Variants in SIDT1 observed in about 807,000 individuals in gnomAD.
The protein encoded by SIDT1 is SID1 transmembrane family member 1.
In SIDT1, 101 loss-of-function variants were observed where a neutral mutation model predicts 107.5. That is an observed-to-expected ratio of 0.94 (90% CI 0.80 to 1.11). SIDT1 has a LOEUF of 1.11. Among genes scored for constraint, SIDT1 ranks in the 50% least tolerant of loss-of-function variants. The pLI is 0.00. For synonymous variants in SIDT1, 395 were observed against 398.2 expected, an observed-to-expected ratio of 0.99 and a Z score of 0.10; for missense variants, 1,076 against 1,058.2, an observed-to-expected ratio of 1.02 and a Z score of -0.23.
intron 21 of SIDT1, among the ~76,000 whole-genome samples, chr3:113,621,745 A>AAC (rs1946476109): frequency 6.6e-6 from 1 of 152,214 alleles, no homozygotes; most frequent in Non-Finnish European, 1.5e-5. Flanking sequence ...TTTATTTGCT[A>AAC]GTTAGGCAAA....
intron 19 of SIDT1, chr3:113,612,479 C>T: frequency 2.0e-6 from 1 of 510,810 alleles, no homozygotes; most frequent in South Asian, 1.6e-5. Flanking sequence ...ACTTTACAGT[C>T]TGCCAAACTT....
In SIDT1 at chr3:113,623,610, TCTC is replaced by T. The variant is rs538391869; in HGVS notation, c.2197-8_2197-6del. On this transcript the variant is annotated splice_polypyrimidine_tract_variant and intron_variant, in intron 22 of 24. Transcript: ENST00000264852. Reference sequence around the variant, plus strand: ...GGGGTCGCGTGAGGCCGCATCTGCTTCTCCTCCCACAGCTCCGCAGCTCTGAAA... The same window carrying T: ...GGGGTCGCGTGAGGCCGCATCTGCTTCTCCCACAGCTCCGCAGCTCTGAAA... 2,131 of 1,610,726 alleles carry T rather than the reference TCTC, an allele frequency of 1.3e-3. 3 individuals are homozygous for T. Among genetic ancestry groups the T allele is most frequent in the Non-Finnish European group, 1.6e-3 (1,879 of 1,177,086 alleles).
intron 3 of SIDT1, among the ~76,000 whole-genome samples, chr3:113,575,734 C>T (rs572474655): frequency 6.6e-6 from 1 of 152,218 alleles, no homozygotes; most frequent in Non-Finnish European, 1.5e-5. Context: ...TTATACACCT[C>T]TTGCTTAAAT....
chr3:113,633,601 T>C (rs575435561), downstream of SIDT1, among the ~76,000 whole-genome samples: 1 of 152,224 alleles, frequency 6.6e-6, no homozygotes, highest in East Asian at 1.9e-4. Flanking sequence ...TGAGACTGGA[T>C]TGGGACAAAC....
intron 18 of SIDT1, among the ~76,000 whole-genome samples, chr3:113,611,559 GATCT>G (rs1173650809): frequency 6.6e-6 from 1 of 152,204 alleles, no homozygotes; most frequent in African/African-American, 2.4e-5. Flanking sequence ...CTGACCTCAT[GATCT>G]GCCCACCTCG....
chr3:113,544,419 T>C (rs1334718875), intron 1 of SIDT1, among the ~76,000 whole-genome samples: 1 of 152,174 alleles, frequency 6.6e-6, no homozygotes, highest in Admixed American at 6.5e-5. Context: ...CTCGATCTCC[T>C]GACCTTGTGA....
intron 5 of SIDT1, 56 bp downstream of exon 5, chr3:113,580,765 C>A: frequency 8.9e-7 from 1 of 1,124,448 alleles, no homozygotes; most frequent in Non-Finnish European, 1.4e-6. Flanking sequence ...TATTCCAGAA[C>A]AAATGAAAGA....
chr3:113,571,696 G>T (rs1230583145), intron 3 of SIDT1, among the ~76,000 whole-genome samples: 1 of 152,236 alleles, frequency 6.6e-6, no homozygotes, highest in East Asian at 1.9e-4. Context: ...CACTTTGGGA[G>T]ACCAAGGCGG....
chr3:113,584,108 G>C (rs1943565902), intron 7 of SIDT1, among the ~76,000 whole-genome samples: 1 of 152,170 alleles, frequency 6.6e-6, no homozygotes, highest in African/African-American at 2.4e-5. Flanking sequence ...TAGACCACTA[G>C]CCAGTGATTA....
chr3:113,560,063 G>A (rs1003657429), intron 1 of SIDT1, among the ~76,000 whole-genome samples: 13 of 152,128 alleles, frequency 8.5e-5, no homozygotes, highest in Non-Finnish European at 1.5e-4. Context: ...TTGTTCCATC[G>A]CTGAGTATCC....
intron 1 of SIDT1, among the ~76,000 whole-genome samples, chr3:113,561,988 G>A (rs1351989328): frequency 6.6e-6 from 1 of 152,170 alleles, no homozygotes; most frequent in Non-Finnish European, 1.5e-5. Flanking sequence ...AAAAACACAT[G>A]CTATATAATG....
At chr3:113,582,974 A>G (rs1255580121) in intron 6 of SIDT1, among the ~76,000 whole-genome samples, 2 of 152,174 alleles carry the variant, frequency 1.3e-5, no homozygotes, top group African/African-American at 4.8e-5. Context: ...CAAAGCCAAG[A>G]TGATAACTGA....
intron 23 of SIDT1, among the ~76,000 whole-genome samples, chr3:113,624,493 T>C (rs1044170011): frequency 6.6e-6 from 1 of 152,270 alleles, no homozygotes; most frequent in Non-Finnish European, 1.5e-5. Flanking sequence ...TTTATCTACC[T>C]GCTCATCAGT....
Position 113,611,105 on chromosome 3 carries a change from C to G in SIDT1, c.1818C>G (p.Ala606=). 1 of 1,614,162 alleles carries G rather than the reference C, an allele frequency of 6.2e-7. No homozygotes were observed. The highest frequency in any genetic ancestry group is 8.5e-7 in the Non-Finnish European group (1 of 1,180,022). Residue 606 remains alanine (A), a synonymous_variant, in exon 18 of 25, where the codon GCC becomes GCG. Transcript: ENST00000264852. ...ATGCCAGCGCCTACTCTGCCTATGC[C>G]TCCTTTGCTGTGGTCATCATGGTCA... ...DINASAYSAY[A]SFAVVIMVTV...
chr3:113,533,088 G>T lies in SIDT1; in HGVS notation c.67G>T (p.Gly23Trp). Residue 23 changes from glycine to tryptophan, a missense_variant, in exon 1 of 25, where the codon GGG (glycine) becomes TGG (tryptophan). Physicochemically the swap from Gly to Trp is radical, Grantham distance 184. Coordinates refer to ENST00000264852, the MANE Select transcript of SIDT1 (RefSeq NM_017699.3). ...LPWLLLAASP[G>W]HPAKSPRQPP... Reference sequence around the variant, plus strand: ...CTGGCTCCTGCTGGCGGCGTCGCCCGGGCACCCGGCGAAATCCCCCAGGCA... The same window carrying T: ...CTGGCTCCTGCTGGCGGCGTCGCCCTGGCACCCGGCGAAATCCCCCAGGCA... 6.6e-7 allele frequency: 1 copy of T among 1,511,360 alleles called. No homozygotes were observed. Among genetic ancestry groups the T allele is most frequent in the Admixed American group, 2.2e-5 (1 of 45,758 alleles). 93.6% of individuals were successfully genotyped at this position (1,511,360 alleles called of 1,614,324 possible). A position where few individuals can be genotyped will look rare whatever the true frequency, so the allele number is the denominator to read the frequency against.
intron 1 of SIDT1, among the ~76,000 whole-genome samples, chr3:113,538,097 A>G (rs1020079366): frequency 1.3e-5 from 2 of 152,186 alleles, no homozygotes; most frequent in Non-Finnish European, 2.9e-5. Context: ...GCGTCTTCTT[A>G]TAAGGGCAGC....
At chr3:113,590,056 A>G (rs145622595) in intron 9 of SIDT1, 2 of 152,648 alleles carry the variant, frequency 1.3e-5, no homozygotes, top group East Asian at 3.9e-4. Flanking sequence ...ACACAGTGGT[A>G]TGATAAAGAA....
At chr3:113,633,472 C>G (rs1187329371), downstream of SIDT1, among the ~76,000 whole-genome samples, 1 of 152,106 alleles carries the variant, frequency 6.6e-6, no homozygotes, top group African/African-American at 2.4e-5. Flanking sequence ...ATTCGAAGGT[C>G]ACGCTCAAGC....
chr3:113,570,620 C>T (rs562487353), intron 3 of SIDT1, among the ~76,000 whole-genome samples: 2 of 152,346 alleles, frequency 1.3e-5, no homozygotes, highest in South Asian at 2.1e-4. Flanking sequence ...AGCAACCAGA[C>T]TTTAAGAGCA....
Sources: gnomAD v4.1 joint callset for allele counts (sites outside exome capture counted in the v4.1 genomes callset) on GRCh38, gnomAD v4.1.1 for gene constraint, MANE v1.5 for transcripts, NCBI Gene and HGNC (gene_info 2026-07-23, HGNC 2026-07-21) for gene names.